The following UPF2 variants were observed in gnomAD, a reference collection of about 807,000 sequenced individuals.
The protein encoded by UPF2 is UPF2 regulator of nonsense mediated mRNA decay.
In UPF2, 17 loss-of-function variants were observed where a neutral mutation model predicts 141.4. The observed-to-expected ratio is 0.12, with a 90% CI of 0.08 to 0.18. The LOEUF (loss-of-function observed/expected upper bound fraction) is 0.18. UPF2 is among the 10% of genes least tolerant of loss of function. The pLI is 1.00. For synonymous variants in UPF2, 540 were observed against 498.0 expected (o/e 1.08, Z -1.12); for missense variants, 1,152 against 1,515.9 (o/e 0.76, Z 3.99).
chr10:11,933,450 G>A (rs1189367347), intron 19 of UPF2, among the ~76,000 whole-genome samples: 1 of 152,046 alleles, frequency 6.6e-6, no homozygotes, highest in Non-Finnish European at 1.5e-5. Context: ...TTTCATGTCT[G>A]CTAATATTTT....
chr10:12,041,654 T>G (rs776460952), intron 1 of UPF2, among the ~76,000 whole-genome samples: 2 of 152,228 alleles, frequency 1.3e-5, no homozygotes, highest in South Asian at 2.1e-4. Context: ...TTCAATTCTC[T>G]TATTCAAAAT....
intron 19 of UPF2, among the ~76,000 whole-genome samples, chr10:11,932,746 T>C (rs151277745): frequency 1.2e-4 from 19 of 152,274 alleles, no homozygotes; most frequent in Admixed American, 3.9e-4. Context: ...CTGAACATAA[T>C]AGCAATGAAG....
At chr10:11,922,346 C>A (rs1242592646) in intron 21 of UPF2, among the ~76,000 whole-genome samples, 2 of 152,220 alleles carry the variant, frequency 1.3e-5, no homozygotes, top group Non-Finnish European at 2.9e-5. Context: ...TAGCAAGAAA[C>A]TTTCAAAGCG....
chr10:11,947,786 C>T (rs1294627890), intron 16 of UPF2, among the ~76,000 whole-genome samples: 2 of 65,580 alleles, frequency 3.0e-5, no homozygotes, highest in African/African-American at 1.2e-4. Flanking sequence ...AACCTTGTCT[C>T]AAAAAAAAAA....
chr10:11,982,355 G>A (rs1833613297), intron 8 of UPF2, among the ~76,000 whole-genome samples: 1 of 152,106 alleles, frequency 6.6e-6, no homozygotes, highest in Admixed American at 6.6e-5. Flanking sequence ...CTCTACAGCA[G>A]CAAACAGCAT....
chr10:12,040,683 G>A (rs999383420), intron 1 of UPF2, among the ~76,000 whole-genome samples: 13 of 152,130 alleles, frequency 8.5e-5, no homozygotes, highest in African/African-American at 2.9e-4. Context: ...TTGGAAGTCG[G>A]ACTGATTTTA....
chr10:11,945,069 A>T (rs1020410328), intron 16 of UPF2, among the ~76,000 whole-genome samples: 1 of 152,258 alleles, frequency 6.6e-6, no homozygotes, highest in Non-Finnish European at 1.5e-5. Flanking sequence ...TCAGTAAATA[A>T]CTATTACTGC....
chr10:12,033,665 A>G (rs1834568724), intron 2 of UPF2, among the ~76,000 whole-genome samples: 1 of 151,880 alleles, frequency 6.6e-6, no homozygotes, highest in Non-Finnish European at 1.5e-5. Context: ...CTCTTAAATT[A>G]AAAAAAAACT....
Position 11,940,905 on chromosome 10 carries a change from A to G in UPF2, c.3378+1760T>C, listed in dbSNP as rs1832928804. ...TCTTTTCTCCCTCAAGACATTTGAC[A>G]CATTGTTCCCATCTTCCCTTAAATT... On this transcript the variant is annotated intron_variant, in intron 18 of 21. Transcript: ENST00000357604. This position sits in a 1 kb window ranked among gnomAD's most constrained non-coding sequence, Gnocchi z 4.2. 6.6e-6 allele frequency among the ~76,000 whole-genome samples: 1 copy of G among 152,028 alleles called. No homozygotes were observed. The highest frequency in any genetic ancestry group is 1.5e-5 in the Non-Finnish European group (1 of 68,020).
At chr10:11,947,755 C>T (rs1258013567) in intron 16 of UPF2, among the ~76,000 whole-genome samples, 1 of 141,040 alleles carries the variant, frequency 7.1e-6, no homozygotes, top group Non-Finnish European at 1.5e-5. Context: ...CCACTCCACT[C>T]CAGCCTTGGC....
intron 4 of UPF2, among the ~76,000 whole-genome samples, chr10:12,006,007 G>A (rs1431322955): frequency 1.3e-5 from 2 of 151,956 alleles, no homozygotes; most frequent in Admixed American, 6.6e-5. Flanking sequence ...AACCTCCTGA[G>A]TAGCTGGGAC....
rs746117868 is a variant in UPF2 at position 11,985,884 on chromosome 10, C to CTTTTTTTTT, written c.1845-6728_1845-6720dup. On this transcript the variant is annotated intron_variant, in intron 8 of 21. Transcript: ENST00000357604. ...CAACTGAAAAATAATTAGATCCTTC[C>CTTTTTTTTT]TTTTTTTTTTTTTTTTGTGAGACGG... Among the ~76,000 whole-genome samples, 714 of 100,666 alleles carry CTTTTTTTTT rather than the reference C, an allele frequency of 7.1e-3. 117 individuals are homozygous for CTTTTTTTTT. Among genetic ancestry groups the CTTTTTTTTT allele is most frequent in the African/African-American group, 0.019 (439 of 23,616 alleles). 66.0% of individuals were successfully genotyped at this position (100,666 alleles called of 152,430 possible). A position where few individuals can be genotyped will look rare whatever the true frequency, so the allele number is the denominator to read the frequency against.
chr10:11,974,642 GTTT>G (rs1345183021), intron 9 of UPF2, among the ~76,000 whole-genome samples: 1 of 152,190 alleles, frequency 6.6e-6, no homozygotes, highest in Non-Finnish European at 1.5e-5. Context: ...TAAGCGTGTG[GTTT>G]TTGTCTTTGG....
intron 19 of UPF2, among the ~76,000 whole-genome samples, chr10:11,934,600 C>A (rs768308093): frequency 1.1e-4 from 17 of 152,088 alleles, no homozygotes; most frequent in Non-Finnish European, 1.5e-4. Context: ...TTATTTATTT[C>A]TTTTTTTGAG....
intron 11 of UPF2, among the ~76,000 whole-genome samples, chr10:11,960,685 G>A (rs1335079950): frequency 6.6e-6 from 1 of 151,780 alleles, no homozygotes; most frequent in African/African-American, 2.4e-5. Flanking sequence ...CTTGAGGACT[G>A]CCTGAACCCA....
chr10:12,020,274 C>T (rs748943315), intron 3 of UPF2, among the ~76,000 whole-genome samples: 4 of 148,964 alleles, frequency 2.7e-5, no homozygotes, highest in East Asian at 2.0e-4. Flanking sequence ...TTTTTTGAGA[C>T]GGAGTTTCGC....
intron 3 of UPF2, among the ~76,000 whole-genome samples, chr10:12,020,560 AC>A: frequency 6.6e-6 from 1 of 152,348 alleles, no homozygotes; most frequent in East Asian, 1.9e-4. Flanking sequence ...TCATAAAAAG[AC>A]AGAAAGAGAA....
intron 8 of UPF2, among the ~76,000 whole-genome samples, chr10:11,985,990 T>C (rs1198944808): frequency 6.8e-6 from 1 of 146,760 alleles, no homozygotes; most frequent in African/African-American, 2.5e-5. Context: ...GTTCACGCCA[T>C]TCTCCTGCCT....
chr10:12,007,691 C>T (rs1436506337), intron 4 of UPF2, among the ~76,000 whole-genome samples: 3 of 151,564 alleles, frequency 2.0e-5, no homozygotes, highest in African/African-American at 7.3e-5. Flanking sequence ...ATTAGCCGGC[C>T]GTGGTGGCAG....
Sources: gnomAD v4.1 joint callset for allele counts (sites outside exome capture counted in the v4.1 genomes callset) on GRCh38, gnomAD v4.1.1 for gene constraint, Gnocchi (gnomAD v3.1) non-coding constraint, MANE v1.5 for transcripts, NCBI Gene and HGNC (gene_info 2026-07-23, HGNC 2026-07-21) for gene names.